Variants in ITGA9 observed in about 807,000 individuals in gnomAD.
The protein encoded by ITGA9 is integrin alpha-9.
A neutral mutation model predicts 127.8 loss-of-function variants in ITGA9; 56 were observed. The observed-to-expected ratio is 0.44, with a 90% CI of 0.35 to 0.55. The LOEUF (loss-of-function observed/expected upper bound fraction) is 0.55. ITGA9 is among the 20% of genes least tolerant of loss of function. The probability of loss-of-function intolerance (pLI) is 0.00; values close to 1 mark genes in which losing one functional copy is unlikely to be tolerated. For missense variants in ITGA9, 1,196 were observed against 1,347.1 expected (o/e 0.89, Z 1.76); for synonymous variants, 508 against 514.5 (o/e 0.99, Z 0.17).
chr3:37,715,670 G>A (rs932693200), intron 18 of ITGA9, among the ~76,000 whole-genome samples: 6 of 152,206 alleles, frequency 3.9e-5, no homozygotes, highest in South Asian at 2.1e-4. Context: ...AATGTTTGGC[G>A]GGTGGATTTC....
chr3:37,452,723 A>C lies in ITGA9; in HGVS notation c.185+164A>C, dbSNP rs1186026505. ...CTCGGCCGCCGGGGGACGGCGGGAG[A>C]AGGGAGGACGCCGTCCGGGGCCCGC... On this transcript the variant is annotated intron_variant, in intron 1 of 27. Coordinates refer to ENST00000264741, the MANE Select transcript of ITGA9 (RefSeq NM_002207.3). This position sits in a 1 kb window ranked among gnomAD's most constrained non-coding sequence, Gnocchi z 7.3. Among the ~76,000 whole-genome samples the C allele has an allele frequency of 1.3e-5, 2 of 151,584 alleles. No homozygotes were observed. The highest frequency in any genetic ancestry group is 4.9e-5 in the African/African-American group (2 of 41,228).
At chr3:37,458,984 C>G (rs1167536065) in intron 1 of ITGA9, among the ~76,000 whole-genome samples, 5 of 152,070 alleles carry the variant, frequency 3.3e-5, no homozygotes, top group African/African-American at 1.2e-4. Context: ...ATGTTTTATC[C>G]CAACCTTCCT....
chr3:37,777,178 T>C (rs1024455429), intron 23 of ITGA9, among the ~76,000 whole-genome samples: 10 of 152,338 alleles, frequency 6.6e-5, no homozygotes, highest in African/African-American at 1.7e-4. Flanking sequence ...TCATCAATTA[T>C]TGGGGGACCT....
intron 23 of ITGA9, among the ~76,000 whole-genome samples, chr3:37,757,956 G>A (rs17036908): frequency 0.02 from 3,080 of 151,814 alleles, 167 homozygotes; most frequent in African/African-American, 0.068. Context: ...AATGGAGAGC[G>A]GGCACACTCA....
chr3:37,798,378 G>A (rs1453110348), intron 26 of ITGA9, among the ~76,000 whole-genome samples: 1 of 152,200 alleles, frequency 6.6e-6, no homozygotes, highest in African/African-American at 2.4e-5. Context: ...GCAAAAAGAT[G>A]ATTACATATC....
At chr3:37,815,565 C>T (rs59563332) in intron 27 of ITGA9, among the ~76,000 whole-genome samples, 38 of 150,714 alleles carry the variant, frequency 2.5e-4, no homozygotes, top group African/African-American at 8.3e-4. Flanking sequence ...GCCGAGATGG[C>T]GCCATTGCAC....
At chr3:37,623,697 G>C (rs554974343) in intron 15 of ITGA9, among the ~76,000 whole-genome samples, 11 of 142,232 alleles carry the variant, frequency 7.7e-5, no homozygotes, top group Admixed American at 6.4e-4. Context: ...GTGTCTGTGT[G>C]TGTGTGTGTG....
intron 15 of ITGA9, among the ~76,000 whole-genome samples, chr3:37,608,893 A>G (rs1699993122): frequency 6.6e-6 from 1 of 152,108 alleles, no homozygotes; most frequent in African/African-American, 2.4e-5. Context: ...GACTAGGTGG[A>G]CTGATGGACC....
At chr3:37,698,039 AGAT>A (rs1172829498) in intron 18 of ITGA9, among the ~76,000 whole-genome samples, 1 of 152,226 alleles carries the variant, frequency 6.6e-6, no homozygotes, top group African/African-American at 2.4e-5. Context: ...AACTGGTGTG[AGAT>A]GATATCTTAT....
chr3:37,580,438 A>G (rs1043452029), intron 15 of ITGA9, among the ~76,000 whole-genome samples: 1 of 152,178 alleles, frequency 6.6e-6, no homozygotes, highest in Non-Finnish European at 1.5e-5. Context: ...TGACTGGCTG[A>G]TTCACTTTGT....
intron 15 of ITGA9, among the ~76,000 whole-genome samples, chr3:37,610,903 A>G (rs187068840): frequency 8.5e-5 from 13 of 152,348 alleles, no homozygotes; most frequent in Admixed American, 7.8e-4. Context: ...TTTTGTGGAT[A>G]GGTATGACAC....
intron 3 of ITGA9, among the ~76,000 whole-genome samples, chr3:37,478,992 C>A (rs1017014008): frequency 1.3e-5 from 2 of 152,176 alleles, no homozygotes; most frequent in African/African-American, 4.8e-5. Context: ...TATCAGACAG[C>A]ACCATGATAA....
Position 37,481,465 on chromosome 3 carries a change from CTGCTCTCTAT to C in ITGA9, c.421-18_421-9del. The C allele has an allele frequency of 6.2e-7, 1 of 1,614,222 alleles. No individual in the cohort carries two copies. The highest frequency in any genetic ancestry group is 1.1e-5 in the South Asian group (1 of 91,090). On this transcript the variant is annotated splice_polypyrimidine_tract_variant and intron_variant, in intron 3 of 27. Coordinates refer to ENST00000264741, the MANE Select transcript of ITGA9 (RefSeq NM_002207.3). The stretch of plus-strand genomic sequence containing the variant: ...TTGGGGCCAACTTTCCTGCTCTCAA[CTGCTCTCTAT>C]CCCTTTAGGCCTGTGCTCATCGCTG...
At chr3:37,785,912 G>A (rs1163731693) in intron 26 of ITGA9, among the ~76,000 whole-genome samples, 1 of 152,200 alleles carries the variant, frequency 6.6e-6, no homozygotes, top group Non-Finnish European at 1.5e-5. Flanking sequence ...ACGGGAGGGT[G>A]TGGCAAACCA....
intron 18 of ITGA9, among the ~76,000 whole-genome samples, chr3:37,695,928 C>T (rs1039805168): frequency 2.0e-5 from 3 of 152,216 alleles, no homozygotes; most frequent in Non-Finnish European, 4.4e-5. Context: ...TCCTCTCAGC[C>T]TGTCTTCATA....
intron 18 of ITGA9, among the ~76,000 whole-genome samples, chr3:37,688,244 A>G (rs3821911): frequency 0.72 from 110,032 of 152,106 alleles, 40,600 homozygotes; most frequent in African/African-American, 0.87. Context: ...GCGAGGTGCT[A>G]GCCACATCTG....
chr3:37,488,366 A>C (rs1279292860), intron 4 of ITGA9, among the ~76,000 whole-genome samples: 3 of 152,058 alleles, frequency 2.0e-5, no homozygotes, highest in African/African-American at 4.8e-5. Flanking sequence ...ATGCATAGTA[A>C]GTTGCATGTC....
At chr3:37,798,852 T>A (rs1697204081) in intron 26 of ITGA9, among the ~76,000 whole-genome samples, 1 of 152,242 alleles carries the variant, frequency 6.6e-6, no homozygotes, top group Non-Finnish European at 1.5e-5. Flanking sequence ...AATAATAAAT[T>A]AAATAAATCT....
intron 6 of ITGA9, among the ~76,000 whole-genome samples, chr3:37,505,531 A>G (rs1698831020): frequency 1.3e-5 from 2 of 152,232 alleles, no homozygotes; most frequent in Admixed American, 6.5e-5. Flanking sequence ...GGTGATAGAA[A>G]TCAGAATAGT....
Sources: allele counts gnomAD v4.1 joint callset (sites outside exome capture counted in the v4.1 genomes callset), GRCh38; gene constraint gnomAD v4.1.1; non-coding constraint Gnocchi (gnomAD v3.1); transcripts MANE v1.5; gene names NCBI Gene and HGNC (gene_info 2026-07-23, HGNC 2026-07-21).